The following PHLPP1 variants were observed in gnomAD, a reference collection of about 807,000 sequenced individuals.
PHLPP1 encodes the protein PH domain and leucine rich repeat protein phosphatase 1, also known as PH domain leucine-rich repeat-containing protein phosphatase 1.
A neutral mutation model predicts 117.2 loss-of-function variants in PHLPP1; 42 were observed. The observed-to-expected ratio is 0.36, with a 90% CI of 0.28 to 0.46. The LOEUF is 0.46. Among genes scored for constraint, PHLPP1 ranks in the 20% least tolerant of loss-of-function variants. The pLI, the probability that PHLPP1 is intolerant of heterozygous loss-of-function variation, is 1.00. For synonymous variants in PHLPP1, 1,042 were observed against 970.7 expected, an observed-to-expected ratio of 1.07 and a Z score of -1.37; for missense variants, 2,084 against 2,241.9, an observed-to-expected ratio of 0.93 and a Z score of 1.42.
chr18:62,943,055 C>G (rs765969723), intron 11 of PHLPP1, among the ~76,000 whole-genome samples: 1 of 152,132 alleles, frequency 6.6e-6, no homozygotes, highest in Non-Finnish European at 1.5e-5. Context: ...TCTGAAAGAG[C>G]TCATTGTCTT....
chr18:62,770,336 C>G (rs1912717938), intron 1 of PHLPP1, among the ~76,000 whole-genome samples: 1 of 152,210 alleles, frequency 6.6e-6, no homozygotes, highest in South Asian at 2.1e-4. Flanking sequence ...TCTCAAGCTC[C>G]TGACCTCAGG....
At chr18:62,823,740 T>C (rs930632887) in intron 1 of PHLPP1, among the ~76,000 whole-genome samples, 9 of 152,040 alleles carry the variant, frequency 5.9e-5, no homozygotes, top group South Asian at 4.1e-4. Flanking sequence ...AAAGAAGATA[T>C]GCGGATCACA....
chr18:62,966,897 T>C (rs1011303972), intron 14 of PHLPP1, among the ~76,000 whole-genome samples: 2 of 152,190 alleles, frequency 1.3e-5, no homozygotes, highest in Non-Finnish European at 2.9e-5. Flanking sequence ...CCCCTGTCCT[T>C]GGCAACTCCT....
intron 1 of PHLPP1, among the ~76,000 whole-genome samples, chr18:62,800,321 A>G (rs1913742810): frequency 6.6e-6 from 1 of 152,244 alleles, no homozygotes; most frequent in African/African-American, 2.4e-5. Context: ...CGTTTGCGTT[A>G]TAAATTAACG....
chr18:62,914,540 A>G (rs1436427966), intron 8 of PHLPP1, among the ~76,000 whole-genome samples: 1 of 152,192 alleles, frequency 6.6e-6, no homozygotes, highest in Non-Finnish European at 1.5e-5. Flanking sequence ...CTACTCCAGC[A>G]GTCCTCCCAC....
chr18:62,944,216 A>G (rs1186751820), intron 11 of PHLPP1, among the ~76,000 whole-genome samples: 1 of 152,198 alleles, frequency 6.6e-6, no homozygotes, highest in African/African-American at 2.4e-5. Flanking sequence ...TAACATCAGC[A>G]GGAGTGGAAA....
intron 10 of PHLPP1, among the ~76,000 whole-genome samples, chr18:62,924,812 C>T (rs957150872): frequency 2.7e-5 from 4 of 149,806 alleles, no homozygotes; most frequent in Non-Finnish European, 5.9e-5. Flanking sequence ...ACACTCCAGC[C>T]TGGGTTACAG....
At chr18:62,965,862 A>G (rs922315474) in intron 14 of PHLPP1, among the ~76,000 whole-genome samples, 1 of 151,922 alleles carries the variant, frequency 6.6e-6, no homozygotes, top group South Asian at 2.1e-4. Flanking sequence ...GAAAGAAAAA[A>G]AAACTACGTT....
At chr18:62,720,617 A>G (rs968545772) in intron 1 of PHLPP1, among the ~76,000 whole-genome samples, 1 of 152,194 alleles carries the variant, frequency 6.6e-6, no homozygotes, top group Non-Finnish European at 1.5e-5. Context: ...TTATTACTAT[A>G]ATTACAGCAG....
chr18:62,963,700 A>G (rs2144482497), intron 14 of PHLPP1, among the ~76,000 whole-genome samples: 1 of 152,344 alleles, frequency 6.6e-6, no homozygotes, highest in East Asian at 1.9e-4. Context: ...TTGCTAGGAT[A>G]CAAGGTAACT....
At chr18:62,752,229 A>G (rs956160884) in intron 1 of PHLPP1, among the ~76,000 whole-genome samples, 3 of 152,182 alleles carry the variant, frequency 2.0e-5, no homozygotes, top group African/African-American at 7.2e-5. Flanking sequence ...AGGCATGAGC[A>G]CTGTGCCTGT....
At chr18:62,748,071 C>A (rs187259493) in intron 1 of PHLPP1, among the ~76,000 whole-genome samples, 1 of 152,004 alleles carries the variant, frequency 6.6e-6, no homozygotes, top group Non-Finnish European at 1.5e-5. Flanking sequence ...TTCCTTAGAT[C>A]GTGATTGTTA....
intron 1 of PHLPP1, 37 bp downstream of exon 1, chr18:62,717,296 A>G: frequency 6.5e-7 from 1 of 1,536,856 alleles, no homozygotes; most frequent in South Asian, 1.3e-5. Context: ...TGGTTGCAAA[A>G]GCTGCCGAGG....
At chr18:62,749,955 G>A (rs900754493) in intron 1 of PHLPP1, among the ~76,000 whole-genome samples, 15 of 152,200 alleles carry the variant, frequency 9.9e-5, no homozygotes. Context: ...GGCGGAGATT[G>A]CAGTGAGCCA....
intron 3 of PHLPP1, 96 bp downstream of exon 3, chr18:62,839,005 A>G (rs1914986076): frequency 1.5e-6 from 2 of 1,335,808 alleles, no homozygotes; most frequent in Non-Finnish European, 2.0e-6. Flanking sequence ...TTAGTTACAC[A>G]CACTTTTTTT....
At chr18:62,882,270 ATTTT>A (rs754386808) in intron 4 of PHLPP1, among the ~76,000 whole-genome samples, 1 of 137,772 alleles carries the variant, frequency 7.3e-6, no homozygotes. Flanking sequence ...TCACTTAACT[ATTTT>A]TTTTTTTTTT....
Position 62,920,057 on chromosome 18 carries a change from A to C in PHLPP1, c.2903A>C (p.Asp968Ala). The C allele has an allele frequency of 6.2e-7, 1 of 1,613,446 alleles. No homozygotes were observed. Among genetic ancestry groups the C allele is most frequent in the Non-Finnish European group, 8.5e-7 (1 of 1,179,558 alleles). Residue 968 changes from aspartate to alanine, a missense_variant, in exon 10 of 17, where the codon GAT (aspartate) becomes GCT (alanine). Asp to Ala is a moderately radical substitution (Grantham distance 126). Around this residue, in one of 2 missense-constraint regions of PHLPP1, gnomAD observed 1,365 missense variants for 1,605.9 expected, o/e 0.85. Transcript: ENST00000262719. ...RLERTSVEVL[D>A]VQHNQLLELP... ...GAAAGAACCTCGGTGGAGGTCTTGG[A>C]TGTGCAACACAACCAGCTCCTTGAG... is the stretch of plus-strand genomic sequence containing the variant.
chr18:62,877,693 C>G (rs1916082342), intron 4 of PHLPP1, among the ~76,000 whole-genome samples: 1 of 152,230 alleles, frequency 6.6e-6, no homozygotes, highest in South Asian at 2.1e-4. Flanking sequence ...TTGTGATCCT[C>G]TTGGGAAGCT....
rs187610086 is a variant in PHLPP1 at position 62,746,120 on chromosome 18, C to T, written c.1576+28861C>T. Reference sequence around the variant, plus strand: ...GTGCAATGGCGTGATCTTGGCTCACCGCAACCTCCCCCTCCCGGGTTCAAG... The same window carrying T: ...GTGCAATGGCGTGATCTTGGCTCACTGCAACCTCCCCCTCCCGGGTTCAAG... On this transcript the variant is annotated intron_variant, in intron 1 of 16. Transcript: ENST00000262719. 6.3e-4 allele frequency among the ~76,000 whole-genome samples: 96 copies of T among 152,152 alleles called. No homozygotes were observed. The East Asian group carries it at 0.012, about 18-fold the overall frequency.
Sources: gnomAD v4.1 joint callset for allele counts (sites outside exome capture counted in the v4.1 genomes callset) on GRCh38, gnomAD v4.1.1 for gene constraint, gnomAD v4.1.1 regional missense constraint, MANE v1.5 for transcripts, NCBI Gene and HGNC (gene_info 2026-07-23, HGNC 2026-07-21) for gene names.